ATG7: variants seen among roughly 807,000 people sequenced by gnomAD.
The protein encoded by ATG7 is autophagy related 7.
In ATG7, 70 loss-of-function variants were observed where a neutral mutation model predicts 82.4. That is an observed-to-expected ratio of 0.85 (90% confidence interval 0.70 to 1.04). The LOEUF is 1.04. Ranked by LOEUF, ATG7 falls within the 50% of genes least tolerant of loss-of-function variation. ATG7 has a pLI of 0.00. For missense variants in ATG7, 792 were observed against 864.3 expected (o/e 0.92, Z 1.05); for synonymous variants, 287 against 313.0 (o/e 0.92, Z 0.88).
rs117961910 is a variant in ATG7, at chr3:11,287,656, C to A, written c.-11+5218C>A. On this transcript the variant is annotated intron_variant, in intron 3 of 20. Coordinates refer to ENST00000693202, the MANE Select transcript of ATG7 (RefSeq NM_001349232.2). ...TTAATAAATATCAAATGAGCTTCGT[C>A]TTGGCTTAATGATGCTGAGAGATGT... Among the ~76,000 whole-genome samples, 13 of 152,352 alleles carry A rather than the reference C, an allele frequency of 8.5e-5. No homozygotes were observed. The East Asian group carries it at 2.5e-3, about 29-fold the overall frequency.
At chr3:11,506,155 G>C (rs992602633) in intron 20 of ATG7, among the ~76,000 whole-genome samples, 5 of 152,086 alleles carry the variant, frequency 3.3e-5, no homozygotes. Flanking sequence ...ACTGAGTCCA[G>C]GTACGTTTGT....
At chr3:11,407,968 T>A (rs1297126722) in intron 19 of ATG7, among the ~76,000 whole-genome samples, 2 of 152,260 alleles carry the variant, frequency 1.3e-5, no homozygotes, top group Admixed American at 1.3e-4. Flanking sequence ...TGGCTCCTAG[T>A]TACTTAAGCA....
intron 20 of ATG7, among the ~76,000 whole-genome samples, chr3:11,516,045 A>C (rs1291608784): frequency 6.6e-6 from 1 of 151,440 alleles, no homozygotes; most frequent in Non-Finnish European, 1.5e-5. Context: ...AAAAAAAAAA[A>C]ACAAAAAAAC....
chr3:11,473,044 G>A (rs1200089464), intron 20 of ATG7, among the ~76,000 whole-genome samples: 1 of 151,962 alleles, frequency 6.6e-6, no homozygotes. Flanking sequence ...GTGACTGCTT[G>A]CTTCTGCTAT....
At chr3:11,397,154 T>G (rs373087013) in intron 19 of ATG7, among the ~76,000 whole-genome samples, 2 of 152,240 alleles carry the variant, frequency 1.3e-5, no homozygotes, top group East Asian at 3.9e-4. Flanking sequence ...ATTTTTAAAT[T>G]TATATGCATT....
chr3:11,339,051 C>G (rs2152769231), intron 11 of ATG7, among the ~76,000 whole-genome samples: 1 of 152,254 alleles, frequency 6.6e-6, no homozygotes, highest in East Asian at 1.9e-4. Flanking sequence ...AATCCCACCA[C>G]TTTGGGAGGC....
At chr3:11,281,650 C>G (rs1051156035) in intron 2 of ATG7, among the ~76,000 whole-genome samples, 3 of 151,322 alleles carry the variant, frequency 2.0e-5, no homozygotes, top group Non-Finnish European at 2.9e-5. Flanking sequence ...GGCGGGCGCC[C>G]ATAATCCCAG....
chr3:11,560,203 G>T (rs2072856298), downstream of ATG7, among the ~76,000 whole-genome samples: 1 of 152,304 alleles, frequency 6.6e-6, no homozygotes, highest in African/African-American at 2.4e-5. Flanking sequence ...TTCAGCAAGT[G>T]CATCGGTCTG....
chr3:11,429,857 A>G (rs941819784), intron 20 of ATG7, among the ~76,000 whole-genome samples: 2 of 151,294 alleles, frequency 1.3e-5, no homozygotes, highest in Non-Finnish European at 2.9e-5. Context: ...GAGGCAGGAA[A>G]ATTGCTTGAA....
At chr3:11,479,000 AC>A (rs1559709192) in intron 20 of ATG7, among the ~76,000 whole-genome samples, 2,268 of 150,414 alleles carry the variant, frequency 0.015, 65 homozygotes, top group South Asian at 0.037. Flanking sequence ...ACACACACAC[AC>A]ACACACACAC....
intron 19 of ATG7, among the ~76,000 whole-genome samples, chr3:11,398,084 CAA>C (rs201772380): frequency 1.9e-4 from 20 of 107,142 alleles, no homozygotes; most frequent in African/African-American, 2.5e-4. Context: ...ACTCTGTCTC[CAA>C]AAAAAAAAAA....
intron 20 of ATG7, among the ~76,000 whole-genome samples, chr3:11,503,020 A>G (rs1352543773): frequency 6.6e-6 from 1 of 152,220 alleles, no homozygotes; most frequent in Non-Finnish European, 1.5e-5. Context: ...GAATGTTTAC[A>G]TACCAGATAC....
chr3:11,316,662 A>G (rs1346037401), intron 9 of ATG7, among the ~76,000 whole-genome samples: 1 of 152,250 alleles, frequency 6.6e-6, no homozygotes, highest in Non-Finnish European at 1.5e-5. Context: ...TTGTGTCTGC[A>G]TAGTGTCTAG....
chr3:11,543,177 T>C (rs960895191), intron 20 of ATG7, among the ~76,000 whole-genome samples: 1 of 152,264 alleles, frequency 6.6e-6, no homozygotes, highest in Non-Finnish European at 1.5e-5. Context: ...GGCTGCCCGA[T>C]GTTCCTTGTG....
intron 20 of ATG7, among the ~76,000 whole-genome samples, chr3:11,550,069 C>T (rs1366192838): frequency 6.6e-6 from 1 of 152,128 alleles, no homozygotes; most frequent in Non-Finnish European, 1.5e-5. Flanking sequence ...GTTTTTGTCT[C>T]TTTATTATTA....
At chr3:11,462,104 T>C (rs1361632449) in intron 20 of ATG7, among the ~76,000 whole-genome samples, 1 of 152,072 alleles carries the variant, frequency 6.6e-6, no homozygotes, top group Non-Finnish European at 1.5e-5. Flanking sequence ...TATCTGGTCA[T>C]TAAAACCTAC....
chr3:11,572,882 C>T, the ATG7 span, among the ~76,000 whole-genome samples: 4,234 of 152,132 alleles, frequency 0.028, 85 homozygotes, highest in South Asian at 0.069. Context: ...AAATGACCCC[C>T]GTAGGCCAGG....
At chr3:11,511,834 C>T (rs1211839334) in intron 20 of ATG7, among the ~76,000 whole-genome samples, 1 of 152,214 alleles carries the variant, frequency 6.6e-6, no homozygotes, top group African/African-American at 2.4e-5. Context: ...CAGCCACTGG[C>T]CCAGGTGCTA....
chr3:11,295,004 C>T (rs1575222055), intron 3 of ATG7, among the ~76,000 whole-genome samples: 1 of 152,250 alleles, frequency 6.6e-6, no homozygotes, highest in African/African-American at 2.4e-5. Flanking sequence ...CCCAGCTACT[C>T]AGGAGGCTTA....
Sources: gnomAD v4.1 joint callset for allele counts (sites outside exome capture counted in the v4.1 genomes callset) on GRCh38, gnomAD v4.1.1 for gene constraint, MANE v1.5 for transcripts, NCBI Gene and HGNC (gene_info 2026-07-23, HGNC 2026-07-21) for gene names.